Variants in ATPAF2 observed in about 807,000 individuals in gnomAD.
ATPAF2 encodes the protein ATP12 homolog.
ATPAF2 carries 30 observed loss-of-function variants against 36.6 expected under a neutral mutation model. The observed-to-expected ratio is 0.82, with a 90% CI of 0.61 to 1.11. The LOEUF is 1.11. Among genes scored for constraint, ATPAF2 ranks in the 50% most tolerant of loss-of-function variants. ATPAF2 has a pLI of 0.00. For missense variants in ATPAF2, 321 were observed against 372.3 expected (o/e 0.86, Z 1.13); for synonymous variants, 140 against 152.6 (o/e 0.92, Z 0.61).
intron 1 of ATPAF2, 35 bp downstream of exon 1, chr17:18,038,846 C>T (rs778949906): frequency 6.2e-7 from 1 of 1,611,252 alleles, no homozygotes; most frequent in Non-Finnish European, 8.5e-7. Flanking sequence ...TACCCCAGCT[C>T]GGCCCCAACC....
At chr17:18,032,170 T>C (rs907608204) in intron 1 of ATPAF2, among the ~76,000 whole-genome samples, 1 of 152,010 alleles carries the variant, frequency 6.6e-6, no homozygotes, top group East Asian at 1.9e-4. Context: ...GCCAGCAGAG[T>C]GTACAAATGT....
intron 7 of ATPAF2, among the ~76,000 whole-genome samples, chr17:18,020,534 AC>A (rs1568565166): frequency 6.6e-6 from 1 of 152,216 alleles, no homozygotes; most frequent in East Asian, 1.9e-4. Context: ...CAGAGGTGCA[AC>A]CTTGCACCTC....
Position 18,026,399 on chromosome 17 carries a change from T to C in ATPAF2, c.342A>G (p.Thr114=). 6.2e-7 allele frequency: 1 copy of C among 1,614,244 alleles called. No homozygotes were observed. Among genetic ancestry groups the C allele is most frequent in the Non-Finnish European group, 8.5e-7 (1 of 1,180,038 alleles). ...TTCTCTGGGTTGGGTTGTCCAATGA[T>C]GTGTTGCACAATGTGGTCTGAATCA... ...YTMHLTTLCN[T]SLDNPTQRNK... Residue 114 remains threonine, a synonymous_variant, in exon 4 of 8, where the codon ACA becomes ACG. Coordinates refer to ENST00000474627, the MANE Select transcript of ATPAF2 (RefSeq NM_145691.4).
At chr17:18,024,310 C>G (rs758932603) in intron 5 of ATPAF2, among the ~76,000 whole-genome samples, 1 of 152,248 alleles carries the variant, frequency 6.6e-6, no homozygotes, top group Non-Finnish European at 1.5e-5. Flanking sequence ...CAAACCGACA[C>G]TGCTGCTCTG....
rs187299035 is a variant in ATPAF2 at position 18,018,780 on chromosome 17, G to A, written c.733-94C>T. The stretch of plus-strand genomic sequence containing the variant: ...GTTCCATTCCAATAGGTTGGCTGAG[G>A]GCAACAGGTTTGTATCTTGCCAAAA... On this transcript the variant is annotated intron_variant, in intron 7 of 7. Transcript: ENST00000474627. 277 of 1,587,714 alleles carry A rather than the reference G, an allele frequency of 1.7e-4. 2 individuals carry two copies. In the East Asian group the frequency reaches 4.1e-3, roughly 24 times the overall value.
intron 4 of ATPAF2, among the ~76,000 whole-genome samples, chr17:18,025,818 C>G (rs1206549130): frequency 6.6e-6 from 1 of 152,220 alleles, no homozygotes; most frequent in Non-Finnish European, 1.5e-5. Context: ...TCCTAGAGCA[C>G]TTGGGCTAGC....
chr17:18,026,573 G>T, intron 3 of ATPAF2, 157 bp from the exon 4 acceptor site: 1 of 690,402 alleles, frequency 1.4e-6, no homozygotes, highest in East Asian at 2.6e-5. Context: ...CACAGCTACT[G>T]AGAGTGTGCC....
chr17:18,027,163 G>A (rs1473989638), intron 3 of ATPAF2, among the ~76,000 whole-genome samples: 2 of 151,772 alleles, frequency 1.3e-5, no homozygotes, highest in East Asian at 3.9e-4. Flanking sequence ...AGAGGTTGCA[G>A]TGAGCCGAGA....
chr17:18,016,162 A>T (rs973474997), downstream of ATPAF2: 83 of 1,613,900 alleles, frequency 5.1e-5, no homozygotes, highest in Non-Finnish European at 6.7e-5. Flanking sequence ...TGGTGACCAG[A>T]ATCAACTCTT....
chr17:18,018,492 G>A lies in ATPAF2; in HGVS notation c.*57C>T. The stretch of plus-strand genomic sequence containing the variant: ...CCCCACAGGCTGGGGAGCCCTGAAG[G>A]CCGGGGGAGCTGTGGCTGCACTGCC... On this transcript the variant is annotated 3_prime_UTR_variant, in exon 8 of 8. Transcript: ENST00000474627. 6.2e-7 allele frequency: 1 copy of A among 1,606,660 alleles called. No homozygotes were observed. The highest frequency in any genetic ancestry group is 2.2e-5 in the East Asian group (1 of 44,872).
intron 7 of ATPAF2, among the ~76,000 whole-genome samples, chr17:18,019,065 A>G (rs1460604912): frequency 1.3e-5 from 2 of 152,022 alleles, no homozygotes; most frequent in South Asian, 2.1e-4. Flanking sequence ...CTTTGAGCCC[A>G]GGAGGCTGAA....
chr17:18,030,535 AC>A (rs1365115966), intron 1 of ATPAF2, among the ~76,000 whole-genome samples: 11 of 149,330 alleles, frequency 7.4e-5, no homozygotes, highest in Non-Finnish European at 1.3e-4. Context: ...AAAAAAAAAA[AC>A]AAGCTTAAGT....
chr17:18,038,847 G>C lies in ATPAF2; in HGVS notation c.133+34C>G, dbSNP rs745633949. The C allele has an allele frequency of 6.8e-6, 11 of 1,611,024 alleles. No individual in the cohort carries two copies. The South Asian group carries it at 1.2e-4, about 18-fold the overall frequency. On this transcript the variant is annotated intron_variant, in intron 1 of 7. Transcript: ENST00000474627. ...CCCGAAGCCCACCTTACCCCAGCTC[G>C]GCCCCAACCCAAAAGAACATGTCAT...
chr17:18,019,183 A>ACC (rs1555634128), intron 7 of ATPAF2, among the ~76,000 whole-genome samples: 1 of 150,716 alleles, frequency 6.6e-6, no homozygotes, highest in Non-Finnish European at 1.5e-5. Flanking sequence ...ACACACACAC[A>ACC]CACCCCACCA....
chr17:18,022,696 G>A (rs1186281380), intron 5 of ATPAF2, among the ~76,000 whole-genome samples: 2 of 146,898 alleles, frequency 1.4e-5, no homozygotes, highest in East Asian at 2.0e-4. Flanking sequence ...TCCGCCTCCT[G>A]ACCTCTGCGC....
intron 7 of ATPAF2, among the ~76,000 whole-genome samples, chr17:18,019,260 C>T (rs1418592071): frequency 1.3e-5 from 2 of 152,132 alleles, no homozygotes; most frequent in Admixed American, 6.5e-5. Flanking sequence ...GGAAGAAGTG[C>T]AGTCCAGGCC....
intron 1 of ATPAF2, among the ~76,000 whole-genome samples, chr17:18,036,276 G>A (rs1375062981): frequency 6.6e-6 from 1 of 152,060 alleles, no homozygotes; most frequent in Non-Finnish European, 1.5e-5. Flanking sequence ...TCTTTAGAGA[G>A]AACACGTGGG....
At chr17:18,021,498 A>T (rs1015106446) in intron 6 of ATPAF2, 6 of 627,014 alleles carry the variant, frequency 9.6e-6, no homozygotes, top group Non-Finnish European at 1.7e-5. Flanking sequence ...ATGGATGGAC[A>T]TGTGACCCAA....
chr17:18,024,540 GT>G, intron 5 of ATPAF2, 83 bp downstream of exon 5: 1 of 1,187,310 alleles, frequency 8.4e-7, no homozygotes. Flanking sequence ...AAGGGCACTA[GT>G]TTTCCAGCGT....
Sources: allele counts gnomAD v4.1 joint callset (sites outside exome capture counted in the v4.1 genomes callset), GRCh38; gene constraint gnomAD v4.1.1; transcripts MANE v1.5; gene names NCBI Gene and HGNC (gene_info 2026-07-23, HGNC 2026-07-21).